Variants in NEURL1 observed in about 807,000 individuals in gnomAD.
The protein encoded by NEURL1 is neuralized E3 ubiquitin protein ligase 1, also known as E3 ubiquitin-protein ligase NEURL1.
Under a neutral mutation model 41.2 loss-of-function variants are expected in NEURL1, and 26 were observed. The ratio of observed to expected loss-of-function variants is 0.63; its 90% CI spans 0.46 to 0.87. The LOEUF (loss-of-function observed/expected upper bound fraction) is 0.87, where lower values mean the gene tolerates loss of function less well. NEURL1 is among the 40% of genes least tolerant of loss of function. The pLI, the probability that NEURL1 is intolerant of heterozygous loss-of-function variation, is 0.00. For synonymous variants in NEURL1, 400 were observed against 402.3 expected (o/e 0.99, Z 0.07); for missense variants, 761 against 871.1 (o/e 0.87, Z 1.59).
intron 1 of NEURL1, among the ~76,000 whole-genome samples, chr10:103,503,535 A>T (rs1485969622): frequency 1.3e-5 from 2 of 151,884 alleles, no homozygotes; most frequent in Non-Finnish European, 2.9e-5. Flanking sequence ...ACTGATGGGG[A>T]CGGTAAGAGG....
chr10:103,562,029 C>A (rs536263290), intron 1 of NEURL1, among the ~76,000 whole-genome samples: 35 of 152,334 alleles, frequency 2.3e-4, no homozygotes, highest in African/African-American at 8.2e-4. Context: ...GCAATTCATT[C>A]AGTAACTTTT....
intron 1 of NEURL1, among the ~76,000 whole-genome samples, chr10:103,498,855 T>G (rs933875725): frequency 2.0e-5 from 3 of 152,272 alleles, no homozygotes; most frequent in Non-Finnish European, 4.4e-5. Flanking sequence ...TCATCCATGT[T>G]GTAGCGTGCA....
At chr10:103,497,366 A>G (rs1325935917) in intron 1 of NEURL1, among the ~76,000 whole-genome samples, 1 of 151,946 alleles carries the variant, frequency 6.6e-6, no homozygotes, top group African/African-American at 2.4e-5. Flanking sequence ...ATTCATCTCT[A>G]ATTCTTGTCA....
intron 1 of NEURL1, among the ~76,000 whole-genome samples, chr10:103,543,713 G>T (rs187706905): frequency 7.4e-4 from 113 of 152,354 alleles, no homozygotes; most frequent in African/African-American, 2.7e-3. Flanking sequence ...GGATAGTCTG[G>T]TCTATTCCAT....
intron 1 of NEURL1, among the ~76,000 whole-genome samples, chr10:103,503,626 C>T (rs776469037): frequency 5.3e-5 from 8 of 152,060 alleles, no homozygotes; most frequent in African/African-American, 1.4e-4. Context: ...TTCCTGGGCA[C>T]GCCGATACGG....
chr10:103,584,801 C>A lies in NEURL1; in HGVS notation c.915C>A (p.Val305=). ...RFHALRAGAH[V]RILDEQTVAR... ...ACGCCCTGCGCGCCGGCGCGCACGT[C>A]CGCATCCTCGACGAGCAGACGGTGG... The change falls in exon 4 of 6, where the codon GTC becomes GTA. Residue 305 remains valine (V), a synonymous_variant. Coordinates refer to ENST00000369780, the MANE Select transcript of NEURL1 (RefSeq NM_004210.5). The A allele has an allele frequency of 7.0e-7, 1 of 1,432,902 alleles. No homozygotes were observed. Among genetic ancestry groups the A allele is most frequent in the Non-Finnish European group, 9.1e-7 (1 of 1,099,688 alleles). 88.8% of individuals were successfully genotyped at this position (1,432,902 alleles called of 1,614,324 possible). A position where few individuals can be genotyped will look rare whatever the true frequency, so the allele number is the denominator to read the frequency against.
At chr10:103,560,763 G>T (rs1483347747) in intron 1 of NEURL1, among the ~76,000 whole-genome samples, 1 of 152,166 alleles carries the variant, frequency 6.6e-6, no homozygotes, top group African/African-American at 2.4e-5. Context: ...GCACCAGTGC[G>T]ACAGATCTGA....
At position 103,547,888 on chromosome 10, in the gene NEURL1, C is replaced by G. The variant is rs2034955571; in HGVS notation, c.86-22984C>G. 2.0e-5 allele frequency among the ~76,000 whole-genome samples: 3 copies of G among 152,050 alleles called. No homozygotes were observed. In the South Asian group the frequency reaches 6.2e-4, roughly 32 times the overall value. ...GGACGAGGCCCATGTCTTGTTCCAGCACATCCCGCGCTCATCCTGTCTCCT... is the reference window on the plus strand; with the variant it reads ...GGACGAGGCCCATGTCTTGTTCCAGGACATCCCGCGCTCATCCTGTCTCCT... On this transcript the variant is annotated intron_variant, in intron 1 of 5. Coordinates refer to ENST00000369780, the MANE Select transcript of NEURL1 (RefSeq NM_004210.5).
rs2036064029 is a variant in NEURL1, at chr10:103,592,155, C to A, written c.*1783C>A. 6.6e-6 allele frequency: 1 copy of A among 152,274 alleles called. No individual in the cohort carries two copies. Among genetic ancestry groups the A allele is most frequent in the African/African-American group, 2.4e-5 (1 of 41,456 alleles). The allele number at this position is 152,274 out of a possible 1,614,324, so 9.4% of individuals were successfully genotyped here. ...CTGTGTGGCCCTGGCCGAGTCGTAG[C>A]CCCCTGGAGCCCAGCTTCCATTTCT... On this transcript the variant is annotated 3_prime_UTR_variant, in exon 6 of 6. Transcript: ENST00000369780. The surrounding 1 kb of genome is among the most constrained non-coding windows in gnomAD (Gnocchi z 4.8).
rs1232775806 is a variant in NEURL1 at position 103,590,424 on chromosome 10, T to C, written c.*52T>C. 2 of 1,505,396 alleles carry C rather than the reference T, an allele frequency of 1.3e-6. No individual in the cohort carries two copies. Among genetic ancestry groups the C allele is most frequent in the East Asian group, 2.3e-5 (1 of 44,116 alleles). 93.3% of individuals were successfully genotyped at this position (1,505,396 alleles called of 1,614,324 possible). On this transcript the variant is annotated 3_prime_UTR_variant, in exon 6 of 6. Coordinates refer to ENST00000369780, the MANE Select transcript of NEURL1 (RefSeq NM_004210.5). ...CCCATCTTCTCGGGCTTCAGCCCAGTCCCAGCTGAGGAACAAGCCAGTGGG... is the reference window on the plus strand; with the variant it reads ...CCCATCTTCTCGGGCTTCAGCCCAGCCCCAGCTGAGGAACAAGCCAGTGGG...
chr10:103,586,179 A>G (rs947809201), intron 4 of NEURL1, among the ~76,000 whole-genome samples: 1 of 152,104 alleles, frequency 6.6e-6, no homozygotes, highest in Non-Finnish European at 1.5e-5. Flanking sequence ...TTTAATATGC[A>G]CTTTGATTAA....
At chr10:103,572,949 G>A (rs1391217250) in intron 3 of NEURL1, among the ~76,000 whole-genome samples, 5 of 151,790 alleles carry the variant, frequency 3.3e-5, no homozygotes, top group Admixed American at 6.6e-5. Flanking sequence ...ATCTCTACCC[G>A]CCTCTCCCTG....
Position 103,571,770 on chromosome 10 carries a change from G to C in NEURL1, c.597G>C (p.Pro199=). 1 of 1,613,360 alleles carries C rather than the reference G, an allele frequency of 6.2e-7. No homozygotes were observed. The highest frequency in any genetic ancestry group is 8.5e-7 in the Non-Finnish European group (1 of 1,179,716). ...TCAGCGGGGTCCGCACGGCCGACCCGCTCTGGGCCCTGGTGGACGTCTACG... is the reference window on the plus strand; with the variant it reads ...TCAGCGGGGTCCGCACGGCCGACCCCCTCTGGGCCCTGGTGGACGTCTACG... ...LFFSGVRTAD[P]LWALVDVYGL... The change falls in exon 3 of 6, where the codon CCG becomes CCC. Residue 199 remains proline, a synonymous_variant. Transcript: ENST00000369780.
chr10:103,560,065 A>C (rs548941297), intron 1 of NEURL1, among the ~76,000 whole-genome samples: 74 of 152,272 alleles, frequency 4.9e-4, no homozygotes, highest in Non-Finnish European at 9.3e-4. Flanking sequence ...ACATACACGC[A>C]TGCACACACA....
intron 1 of NEURL1, among the ~76,000 whole-genome samples, chr10:103,569,107 G>C (rs962781859): frequency 1.3e-5 from 2 of 152,226 alleles, no homozygotes; most frequent in Non-Finnish European, 2.9e-5. Context: ...GAGCCATGGT[G>C]CCTGGGCCAC....
intron 1 of NEURL1, among the ~76,000 whole-genome samples, chr10:103,553,439 C>T (rs562356403): frequency 3.3e-5 from 5 of 152,236 alleles, no homozygotes; most frequent in East Asian, 3.9e-4. Context: ...AGCTATGAGC[C>T]GGTATGTGCC....
chr10:103,528,834 T>C (rs2034515160), intron 1 of NEURL1, among the ~76,000 whole-genome samples: 1 of 152,210 alleles, frequency 6.6e-6, no homozygotes, highest in South Asian at 2.1e-4. Flanking sequence ...TCCCAGGAAC[T>C]GGAACTGGGC....
At chr10:103,564,674 C>T (rs568291638) in intron 1 of NEURL1, among the ~76,000 whole-genome samples, 4 of 152,314 alleles carry the variant, frequency 2.6e-5, no homozygotes, top group African/African-American at 7.2e-5. Context: ...TTAACCATTC[C>T]GAATCCAACT....
At chr10:103,531,317 C>G (rs1222228808) in intron 1 of NEURL1, among the ~76,000 whole-genome samples, 1 of 152,154 alleles carries the variant, frequency 6.6e-6, no homozygotes, top group Non-Finnish European at 1.5e-5. Context: ...GATTTCCTAT[C>G]TAGATGATCT....
Sources: allele counts gnomAD v4.1 joint callset (sites outside exome capture counted in the v4.1 genomes callset), GRCh38; gene constraint gnomAD v4.1.1; non-coding constraint Gnocchi (gnomAD v3.1); transcripts MANE v1.5; gene names NCBI Gene and HGNC (gene_info 2026-07-23, HGNC 2026-07-21).